The following CD2AP variants were observed in gnomAD, a reference collection of about 807,000 sequenced individuals.
The protein encoded by CD2AP is CD2-associated protein.
Under a neutral mutation model 85.1 loss-of-function variants are expected in CD2AP, and 46 were observed. The ratio of observed to expected loss-of-function variants is 0.54; its 90% confidence interval spans 0.43 to 0.69. The LOEUF is 0.69. Ranked by LOEUF, CD2AP falls within the 30% of genes least tolerant of loss-of-function variation. The pLI is 0.00. For synonymous variants in CD2AP, 255 were observed against 252.9 expected (o/e 1.01, Z -0.08); for missense variants, 769 against 729.5 (o/e 1.05, Z -0.62).
intron 1 of CD2AP, among the ~76,000 whole-genome samples, chr6:47,490,131 C>T (rs991315282): frequency 2.0e-5 from 3 of 151,982 alleles, no homozygotes; most frequent in Admixed American, 1.3e-4. Context: ...TGTGCCATCG[C>T]ACCTGGCTAA....
chr6:47,606,064 A>G (rs1289975320), intron 13 of CD2AP, 101 bp from the exon 14 acceptor site: 2 of 684,054 alleles, frequency 2.9e-6, no homozygotes, highest in Non-Finnish European at 5.2e-6. Flanking sequence ...AAGTAGTGGT[A>G]CTCTTTTTAA....
intron 17 of CD2AP, among the ~76,000 whole-genome samples, chr6:47,617,141 T>A (rs1294611884): frequency 7.2e-5 from 11 of 152,062 alleles, no homozygotes; most frequent in African/African-American, 2.7e-4. Flanking sequence ...ATTTTTCAGT[T>A]TTTTGTAGGG....
At chr6:47,508,883 A>T (rs1475233251) in intron 2 of CD2AP, among the ~76,000 whole-genome samples, 1 of 152,124 alleles carries the variant, frequency 6.6e-6, no homozygotes, top group Non-Finnish European at 1.5e-5. Context: ...CTTTCTTATC[A>T]TTGGTGTGTT....
chr6:47,515,443 T>C (rs1338792270), intron 2 of CD2AP, among the ~76,000 whole-genome samples: 2 of 152,210 alleles, frequency 1.3e-5, no homozygotes, highest in Non-Finnish European at 2.9e-5. Flanking sequence ...ATGAATACTT[T>C]GCATATTCAC....
chr6:47,620,142 A>G (rs1769706167), intron 17 of CD2AP, among the ~76,000 whole-genome samples: 1 of 152,238 alleles, frequency 6.6e-6, no homozygotes, highest in African/African-American at 2.4e-5. Flanking sequence ...GCCTGTGCCA[A>G]TAACTAGAAG....
Position 47,598,960 on chromosome 6 carries a change from T to TAA in CD2AP, c.1275-340_1275-339insAA, listed in dbSNP as rs755526304. ...TAAAAAAAAATACAGGAGCATTCTG[T>TAA]ACATTTTGATTTAGCTCTCACTGTT... On this transcript the variant is annotated intron_variant, in intron 12 of 17. Coordinates refer to ENST00000359314, the MANE Select transcript of CD2AP (RefSeq NM_012120.3). Among the ~76,000 whole-genome samples, 287 of 150,886 alleles carry TAA rather than the reference T, an allele frequency of 1.9e-3. 17 individuals carry two copies. The highest frequency in any genetic ancestry group is 3.4e-3 in the Non-Finnish European group (230 of 67,206).
chr6:47,564,507 G>T (rs1039151435), intron 5 of CD2AP, among the ~76,000 whole-genome samples: 1 of 151,986 alleles, frequency 6.6e-6, no homozygotes, highest in Non-Finnish European at 1.5e-5. Context: ...TAGTAACTGC[G>T]CAGAATTTTA....
intron 11 of CD2AP, among the ~76,000 whole-genome samples, chr6:47,583,509 A>C (rs1018575798): frequency 7.2e-5 from 11 of 152,314 alleles, no homozygotes; most frequent in Middle Eastern, 6.8e-3. Flanking sequence ...ATATAGTTAG[A>C]ATCATACAGC....
chr6:47,478,206 A>G lies in CD2AP; in HGVS notation c.-39A>G. On this transcript the variant is annotated 5_prime_UTR_variant, in exon 1 of 18. Transcript: ENST00000359314. The stretch of plus-strand genomic sequence containing the variant: ...GAGCCACCACTGGAGGAGGAGGAGG[A>G]GGAGCGGACGTCGGCTTCTCCCCGC... The G allele has an allele frequency of 6.4e-7, 1 of 1,563,776 alleles. No homozygotes were observed. The highest frequency in any genetic ancestry group is 8.7e-7 in the Non-Finnish European group (1 of 1,154,770).
rs562350159 is a variant in CD2AP, at chr6:47,616,082, C to CTTTTTTTTTTTTTTTT, written c.1878+3558_1878+3573dup. ...GCAGGCATGAGCCACTGCGCCTGGCCTTTTTTTTTTTTTTTTTTTTTTTTT... is the reference window on the plus strand; with the variant it reads ...GCAGGCATGAGCCACTGCGCCTGGCCTTTTTTTTTTTTTTTTTTTTTTTTTTTTTTTTTTTTTTTTT... On this transcript the variant is annotated intron_variant, in intron 17 of 17. Coordinates refer to ENST00000359314, the MANE Select transcript of CD2AP (RefSeq NM_012120.3). Among the ~76,000 whole-genome samples the CTTTTTTTTTTTTTTTT allele has an allele frequency of 4.5e-4, 29 of 63,802 alleles. 1 individual carries two copies. Among genetic ancestry groups the CTTTTTTTTTTTTTTTT allele is most frequent in the African/African-American group, 8.0e-4 (11 of 13,794 alleles). 41.9% of individuals were successfully genotyped at this position (63,802 alleles called of 152,430 possible).
chr6:47,522,520 C>A (rs957471549), intron 2 of CD2AP, among the ~76,000 whole-genome samples: 2 of 152,150 alleles, frequency 1.3e-5, no homozygotes, highest in African/African-American at 4.8e-5. Flanking sequence ...CTGTTACTTA[C>A]ATTTTTAAAT....
intron 1 of CD2AP, among the ~76,000 whole-genome samples, chr6:47,478,723 A>G (rs1410378093): frequency 2.0e-5 from 3 of 151,844 alleles, no homozygotes; most frequent in African/African-American, 7.3e-5. Context: ...TTGTTCAAAA[A>G]CTTTTTTTTT....
chr6:47,541,041 G>C (rs1767200154), intron 3 of CD2AP, among the ~76,000 whole-genome samples: 1 of 152,182 alleles, frequency 6.6e-6, no homozygotes, highest in African/African-American at 2.4e-5. Context: ...TTACCGTGAG[G>C]TCTGGTGAAA....
rs148382020 is a variant in CD2AP at position 47,600,590 on chromosome 6, AT to A, written c.1417+1150del. On this transcript the variant is annotated intron_variant, in intron 13 of 17. Coordinates refer to ENST00000359314, the MANE Select transcript of CD2AP (RefSeq NM_012120.3). ...ATGGATGAAGCTATATTTACTACTA[AT>A]TTCTGGGAATTGAAATGTTGATTGT... 7.9e-3 allele frequency among the ~76,000 whole-genome samples: 1,202 copies of A among 151,958 alleles called. 14 individuals are homozygous for A. Among genetic ancestry groups the A allele is most frequent in the African/African-American group, 0.027 (1,122 of 41,518 alleles).
Position 47,533,749 on chromosome 6 carries a change from A to T in CD2AP, c.313A>T (p.Lys105Ter), listed in dbSNP as rs751746319. ...GCCACATCCACAAACCAAAAACATT[A>T]AGAAGAGTATGTAAATAATTCCTTT... ...IQPHPQTKNI[K>*]KKTKKRQCKV... The change falls in exon 3 of 18, where the codon AAG (lysine) becomes TAG (stop). Residue 105 changes from lysine to a stop codon, truncating the protein, a stop_gained. Transcript: ENST00000359314. LOFTEE classifies it high-confidence loss of function. 1 of 1,613,796 alleles carries T rather than the reference A, an allele frequency of 6.2e-7. No homozygotes were observed. Among genetic ancestry groups the T allele is most frequent in the Non-Finnish European group, 8.5e-7 (1 of 1,179,868 alleles).
intron 1 of CD2AP, among the ~76,000 whole-genome samples, chr6:47,501,672 G>A (rs1475890650): frequency 6.6e-6 from 1 of 151,992 alleles, no homozygotes. Context: ...GTTGGTGTGT[G>A]TGTGTGTGTG....
intron 2 of CD2AP, among the ~76,000 whole-genome samples, chr6:47,508,125 C>T (rs182409243): frequency 6.6e-6 from 1 of 152,216 alleles, no homozygotes; most frequent in Admixed American, 6.5e-5. Context: ...TAGTCCCTAG[C>T]AAGAGAGTGA....
chr6:47,562,637 G>A, intron 5 of CD2AP: 1 of 486,876 alleles, frequency 2.1e-6, no homozygotes, highest in Non-Finnish European at 3.8e-6. Flanking sequence ...GGGTATTGTT[G>A]CTGGAGATGT....
intron 8 of CD2AP, among the ~76,000 whole-genome samples, chr6:47,578,443 C>T (rs1466939378): frequency 6.6e-6 from 1 of 152,048 alleles, no homozygotes; most frequent in African/African-American, 2.4e-5. Context: ...AAACTCCTGG[C>T]GTCAGGCAAT....
Sources: gnomAD v4.1 joint callset for allele counts (sites outside exome capture counted in the v4.1 genomes callset) on GRCh38, gnomAD v4.1.1 for gene constraint, MANE v1.5 for transcripts, NCBI Gene and HGNC (gene_info 2026-07-23, HGNC 2026-07-21) for gene names.